The following CDH12 variants were observed in gnomAD, a reference collection of about 807,000 sequenced individuals.
CDH12 encodes the protein cadherin 12.
CDH12 carries 41 observed loss-of-function variants against 74.1 expected under a neutral mutation model. That is an observed-to-expected ratio of 0.55 (90% CI 0.43 to 0.72). The LOEUF is 0.72. Ranked by LOEUF, CDH12 falls within the 30% of genes least tolerant of loss-of-function variation. The pLI is 0.00. For synonymous variants in CDH12, 399 were observed against 355.0 expected, an observed-to-expected ratio of 1.12 and a Z score of -1.39; for missense variants, 945 against 977.2, an observed-to-expected ratio of 0.97 and a Z score of 0.44.
intron 1 of CDH12, among the ~76,000 whole-genome samples, chr5:22,748,523 T>C (rs1745403114): frequency 6.6e-6 from 1 of 152,172 alleles, no homozygotes; most frequent in Non-Finnish European, 1.5e-5. Context: ...AATAAAGATG[T>C]ATTTTGTTTT....
intron 2 of CDH12, among the ~76,000 whole-genome samples, chr5:22,424,002 C>CAAAAAAAAAAAA (rs1165781089): frequency 3.5e-4 from 11 of 31,216 alleles, no homozygotes; most frequent in African/African-American, 7.1e-4. Flanking sequence ...GACTCTGTCT[C>CAAAAAAAAAAAA]AAAAAAAAAA....
At chr5:21,842,411 G>T (rs1376294495) in intron 7 of CDH12, 83 bp from the exon 8 acceptor site, 3 of 960,966 alleles carry the variant, frequency 3.1e-6, no homozygotes, top group Non-Finnish European at 4.6e-6. Context: ...ACAACAACAT[G>T]ATTCTACCTA....
intron 13 of CDH12, among the ~76,000 whole-genome samples, chr5:21,759,201 A>C (rs1377123146): frequency 6.6e-6 from 1 of 152,144 alleles, no homozygotes; most frequent in Non-Finnish European, 1.5e-5. Flanking sequence ...CCACATTTAA[A>C]GTATAATGTT....
intron 1 of CDH12, among the ~76,000 whole-genome samples, chr5:22,569,626 C>A (rs1291050179): frequency 6.6e-6 from 1 of 152,168 alleles, no homozygotes; most frequent in Non-Finnish European, 1.5e-5. Context: ...ATGTTTACAG[C>A]ATCTTACTAG....
At chr5:22,100,220 C>T (rs1744056781) in intron 4 of CDH12, among the ~76,000 whole-genome samples, 1 of 152,034 alleles carries the variant, frequency 6.6e-6, no homozygotes, top group African/African-American at 2.4e-5. Flanking sequence ...ACTTATTAAC[C>T]AGTCTTTAAA....
At chr5:22,268,380 G>A (rs1343715533) in intron 3 of CDH12, among the ~76,000 whole-genome samples, 3 of 151,770 alleles carry the variant, frequency 2.0e-5, no homozygotes, top group Non-Finnish European at 4.4e-5. Context: ...ATTGAATCCT[G>A]GAAATACTTG....
intron 3 of CDH12, among the ~76,000 whole-genome samples, chr5:22,363,432 G>T (rs981366828): frequency 6.6e-6 from 1 of 152,068 alleles, no homozygotes. Flanking sequence ...TGCCAACCAG[G>T]CTTGTTACAT....
At chr5:22,049,243 T>G (rs1432169055) in intron 5 of CDH12, among the ~76,000 whole-genome samples, 3 of 152,034 alleles carry the variant, frequency 2.0e-5, no homozygotes, top group Non-Finnish European at 4.4e-5. Flanking sequence ...AATTCTGATA[T>G]CCAGAATTCA....
chr5:22,815,697 G>A (rs1749354358), intron 1 of CDH12, among the ~76,000 whole-genome samples: 1 of 148,100 alleles, frequency 6.8e-6, no homozygotes, highest in African/African-American at 2.5e-5. Context: ...TTGAACCTGG[G>A]AGATACAGTT....
At chr5:22,164,479 G>C (rs1748561553) in intron 4 of CDH12, among the ~76,000 whole-genome samples, 2 of 152,216 alleles carry the variant, frequency 1.3e-5, no homozygotes, top group Admixed American at 6.5e-5. Context: ...CGGAGGGTCT[G>C]TGACGGCGGC....
At chr5:21,945,880 G>C (rs1184833935) in intron 6 of CDH12, among the ~76,000 whole-genome samples, 1 of 151,900 alleles carries the variant, frequency 6.6e-6, no homozygotes, top group African/African-American at 2.4e-5. Flanking sequence ...AAAAAATAAT[G>C]ACTTCAACCT....
chr5:22,380,060 T>A (rs3099034), intron 3 of CDH12, among the ~76,000 whole-genome samples: 128,029 of 152,222 alleles, frequency 0.84, 53,912 homozygotes, highest in African/African-American at 0.87. Flanking sequence ...TGGCTGGTCC[T>A]CTCAAACATT....
intron 1 of CDH12, among the ~76,000 whole-genome samples, chr5:22,836,201 TTTTC>T (rs145886278): frequency 0.37 from 44,278 of 120,988 alleles, 8,059 homozygotes; most frequent in Non-Finnish European, 0.43. Context: ...TGGTGCTTTT[TTTTC>T]TTTTTTTCTT....
chr5:22,381,057 C>A lies in CDH12; in HGVS notation c.-333+24200G>T, dbSNP rs561978366. Among the ~76,000 whole-genome samples the A allele has an allele frequency of 5.3e-4, 81 of 152,050 alleles. 2 individuals carry two copies. In the South Asian group the frequency reaches 0.016, roughly 31 times the overall value. Reference sequence around the variant, plus strand: ...TGATAATAAAGAAAACAAATTACGACAATGTTTGAATTAAAAAAGGCAATT... The same window carrying A: ...TGATAATAAAGAAAACAAATTACGAAAATGTTTGAATTAAAAAAGGCAATT... On this transcript the variant is annotated intron_variant, in intron 3 of 14. Transcript: ENST00000382254.
At chr5:22,594,497 C>T (rs1435977203) in intron 1 of CDH12, among the ~76,000 whole-genome samples, 1 of 152,116 alleles carries the variant, frequency 6.6e-6, no homozygotes, top group Non-Finnish European at 1.5e-5. Flanking sequence ...TATATCCTTC[C>T]TTTGCTGCTT....
chr5:22,730,799 A>G (rs1207207467), intron 1 of CDH12, among the ~76,000 whole-genome samples: 1 of 151,782 alleles, frequency 6.6e-6, no homozygotes, highest in Non-Finnish European at 1.5e-5. Context: ...TCTTTTTCCT[A>G]TTATACATAA....
chr5:22,025,138 T>C (rs1715438827), intron 5 of CDH12, among the ~76,000 whole-genome samples: 1 of 152,092 alleles, frequency 6.6e-6, no homozygotes, highest in Non-Finnish European at 1.5e-5. Context: ...CAGATTAGAA[T>C]CAGAATTAGA....
At chr5:22,493,571 TG>T (rs534365299) in intron 2 of CDH12, among the ~76,000 whole-genome samples, 1,287 of 23,684 alleles carry the variant, frequency 0.054, 10 homozygotes, top group Admixed American at 0.11. Flanking sequence ...TGGTTTTTTT[TG>T]AAAAATTTTT....
chr5:22,316,121 C>A (rs1453965567), intron 3 of CDH12, among the ~76,000 whole-genome samples: 1 of 151,902 alleles, frequency 6.6e-6, no homozygotes, highest in Non-Finnish European at 1.5e-5. Context: ...TGAATACCTA[C>A]CAGTGCATGA....
Sources: allele counts gnomAD v4.1 joint callset (sites outside exome capture counted in the v4.1 genomes callset), GRCh38; gene constraint gnomAD v4.1.1; transcripts MANE v1.5; gene names NCBI Gene and HGNC (gene_info 2026-07-23, HGNC 2026-07-21).